PRR5L: variants seen among roughly 807,000 people sequenced by gnomAD.
The protein encoded by PRR5L is proline-rich protein 5-like.
PRR5L carries 21 observed loss-of-function variants against 36.4 expected under a neutral mutation model. The observed-to-expected ratio is 0.58, with a 90% CI of 0.41 to 0.83. The LOEUF (loss-of-function observed/expected upper bound fraction) is 0.83. Ranked by LOEUF, PRR5L falls within the 40% of genes least tolerant of loss-of-function variation. PRR5L has a pLI of 0.00. For missense variants in PRR5L, 381 were observed against 473.3 expected (o/e 0.80, Z 1.81); for synonymous variants, 188 against 197.0 (o/e 0.95, Z 0.38).
intron 3 of PRR5L, among the ~76,000 whole-genome samples, chr11:36,405,699 A>G (rs1461797260): frequency 6.6e-6 from 1 of 152,248 alleles, no homozygotes; most frequent in East Asian, 1.9e-4. Context: ...AACAAATACC[A>G]TAGACTGGAT....
intron 1 of PRR5L, among the ~76,000 whole-genome samples, chr11:36,331,076 G>T (rs1422446578): frequency 6.6e-6 from 1 of 152,096 alleles, no homozygotes; most frequent in South Asian, 2.1e-4. Context: ...AAAGTGCTGG[G>T]ATTACAGGCA....
At chr11:36,306,462 A>G (rs555460631) in intron 1 of PRR5L, among the ~76,000 whole-genome samples, 34 of 152,134 alleles carry the variant, frequency 2.2e-4, no homozygotes, top group African/African-American at 7.2e-4. Context: ...TATATGCCAC[A>G]TTTTCTTAAT....
intron 4 of PRR5L, among the ~76,000 whole-genome samples, chr11:36,431,464 T>TTA (rs1554930055): frequency 6.8e-6 from 1 of 147,850 alleles, no homozygotes; most frequent in African/African-American, 2.4e-5. Flanking sequence ...TCTTTTTTTT[T>TTA]AAAAAAAAAT....
chr11:36,312,234 G>A (rs1187221082), intron 1 of PRR5L, among the ~76,000 whole-genome samples: 2 of 152,158 alleles, frequency 1.3e-5, no homozygotes, highest in East Asian at 3.8e-4. Flanking sequence ...AGACATAGGG[G>A]CAACTGATTA....
rs1440589170 is a variant in PRR5L, at chr11:36,351,030, T to TATA, written c.-125-49967_-125-49966insATA. Among the ~76,000 whole-genome samples, 28 of 53,804 alleles carry TATA rather than the reference T, an allele frequency of 5.2e-4. No homozygotes were observed. In the East Asian group the frequency reaches 5.5e-3, roughly 11 times the overall value. 35.3% of individuals were successfully genotyped at this position (53,804 alleles called of 152,430 possible). The stretch of plus-strand genomic sequence containing the variant: ...TTTATATAGTTATATATTTATATAT[T>TATA]TATTTTTTAATATATTTTATATGTA... On this transcript the variant is annotated intron_variant, in intron 1 of 8. Transcript: ENST00000530639.
In PRR5L at chr11:36,465,113, A is replaced by G. The variant is rs1859269904; in HGVS notation, c.*2377A>G. On this transcript the variant is annotated 3_prime_UTR_variant, in exon 9 of 9. Transcript: ENST00000530639. ...CTTATGGTTGACATTTGATGACAGG[A>G]AGCAATCATGACTCTTCAAGTGAGC... 6.6e-6 allele frequency: 1 copy of G among 152,148 alleles called. No individual in the cohort carries two copies. Among genetic ancestry groups the G allele is most frequent in the Non-Finnish European group, 1.5e-5 (1 of 68,018 alleles). 9.4% of individuals were successfully genotyped at this position (152,148 alleles called of 1,614,324 possible).
chr11:36,378,082 G>T (rs1449589054), intron 1 of PRR5L, among the ~76,000 whole-genome samples: 2 of 152,176 alleles, frequency 1.3e-5, no homozygotes, highest in East Asian at 3.8e-4. Context: ...GTAGAAATTT[G>T]CAGTCATGAC....
intron 8 of PRR5L, among the ~76,000 whole-genome samples, chr11:36,460,268 A>G (rs1314552153): frequency 1.3e-5 from 2 of 152,208 alleles, no homozygotes; most frequent in African/African-American, 4.8e-5. Context: ...TTCTTTTCCC[A>G]GCTCAAAACT....
intron 4 of PRR5L, among the ~76,000 whole-genome samples, chr11:36,424,103 G>C (rs1478242044): frequency 6.6e-6 from 1 of 152,164 alleles, no homozygotes; most frequent in Middle Eastern, 3.2e-3. Flanking sequence ...AATGGATCTT[G>C]ACATTGATGA....
intron 1 of PRR5L, among the ~76,000 whole-genome samples, chr11:36,358,284 G>T (rs1171638875): frequency 6.6e-6 from 1 of 152,152 alleles, no homozygotes; most frequent in Non-Finnish European, 1.5e-5. Context: ...TTTGTGAATG[G>T]AAGAATCAAT....
chr11:36,431,342 T>G lies in PRR5L; in HGVS notation c.295-511T>G, dbSNP rs188289747. 1.4e-4 allele frequency among the ~76,000 whole-genome samples: 22 copies of G among 152,350 alleles called. No individual in the cohort carries two copies. In the East Asian group the frequency reaches 4.2e-3, roughly 29 times the overall value. On this transcript the variant is annotated intron_variant, in intron 4 of 8. Coordinates refer to ENST00000530639, the MANE Select transcript of PRR5L (RefSeq NM_001160167.2). ...AGTTGCAGTTGCAAGAGGACTTTACTTTCTCTTTCCACAATTTCCCATGCA... is the reference window on the plus strand; with the variant it reads ...AGTTGCAGTTGCAAGAGGACTTTACGTTCTCTTTCCACAATTTCCCATGCA...
intron 5 of PRR5L, among the ~76,000 whole-genome samples, chr11:36,433,971 C>G (rs1858554658): frequency 1.3e-5 from 2 of 152,202 alleles, no homozygotes; most frequent in Non-Finnish European, 2.9e-5. Flanking sequence ...TTATTACAAG[C>G]TCCTGGAAAT....
chr11:36,454,995 G>A (rs149844088), intron 8 of PRR5L, among the ~76,000 whole-genome samples: 494 of 152,302 alleles, frequency 3.2e-3, no homozygotes, highest in Non-Finnish European at 6.0e-3. Context: ...TCAAGTCCCC[G>A]AAGTCTCCAG....
intron 1 of PRR5L, among the ~76,000 whole-genome samples, chr11:36,364,217 G>T (rs1022178549): frequency 6.6e-6 from 1 of 152,194 alleles, no homozygotes; most frequent in African/African-American, 2.4e-5. Flanking sequence ...GAATTAATGA[G>T]TTGACACTTG....
rs1222537072 is a variant in PRR5L, at chr11:36,387,856, C to A, written c.-125-13141C>A. Among the ~76,000 whole-genome samples the A allele has an allele frequency of 1.3e-5, 2 of 152,204 alleles. 1 individual carries two copies. Among genetic ancestry groups the A allele is most frequent in the Non-Finnish European group, 2.9e-5 (2 of 68,028 alleles). ...ACCTACATGTTTGGCCTTCAAAGTG[C>A]TGGTTGGCCTGGTGAATTAGTTGCC... On this transcript the variant is annotated intron_variant, in intron 1 of 8. Coordinates refer to ENST00000530639, the MANE Select transcript of PRR5L (RefSeq NM_001160167.2).
chr11:36,405,181 G>A (rs1026209251), intron 3 of PRR5L, among the ~76,000 whole-genome samples: 8 of 152,178 alleles, frequency 5.3e-5, no homozygotes, highest in Admixed American at 5.2e-4. Flanking sequence ...CAGGTACCAA[G>A]CAGGTCTTCT....
chr11:36,429,423 A>C (rs572535950), intron 4 of PRR5L, among the ~76,000 whole-genome samples: 3 of 152,286 alleles, frequency 2.0e-5, no homozygotes, highest in South Asian at 4.1e-4. Context: ...AATTCTAACA[A>C]ATGAATGGTT....
At chr11:36,352,467 T>A (rs1413576330) in intron 1 of PRR5L, among the ~76,000 whole-genome samples, 1 of 152,160 alleles carries the variant, frequency 6.6e-6, no homozygotes, top group Non-Finnish European at 1.5e-5. Context: ...CTATTTATCT[T>A]TGAAATTAGA....
chr11:36,374,224 A>T (rs1013915024), intron 1 of PRR5L, among the ~76,000 whole-genome samples: 1 of 151,930 alleles, frequency 6.6e-6, no homozygotes, highest in Non-Finnish European at 1.5e-5. Context: ...TCTCCAGAGT[A>T]CTTGGGATTA....
Sources: gnomAD v4.1 joint callset for allele counts (sites outside exome capture counted in the v4.1 genomes callset) on GRCh38, gnomAD v4.1.1 for gene constraint, MANE v1.5 for transcripts, NCBI Gene and HGNC (gene_info 2026-07-23, HGNC 2026-07-21) for gene names.